NEDD9: variants seen among roughly 807,000 people sequenced by gnomAD.
NEDD9 encodes enhancer of filamentation 1.
A neutral mutation model predicts 76.6 loss-of-function variants in NEDD9; 26 were observed. That is an observed-to-expected ratio of 0.34 (90% CI 0.25 to 0.47). NEDD9 has a LOEUF of 0.47. Ranked by LOEUF, NEDD9 falls within the 20% of genes least tolerant of loss-of-function variation. NEDD9 has a pLI of 1.00. For synonymous variants in NEDD9, 392 were observed against 414.2 expected (o/e 0.95, Z 0.65); for missense variants, 937 against 1,058.5 (o/e 0.89, Z 1.59).
chr6:11,265,533 A>G (rs182526942), intron 3 of NEDD9, among the ~76,000 whole-genome samples: 26 of 152,368 alleles, frequency 1.7e-4, no homozygotes, highest in African/African-American at 5.3e-4. Flanking sequence ...CAATTAATGT[A>G]TTGTCCTTAT....
chr6:11,220,275 C>A (rs1354763077), intron 1 of NEDD9, among the ~76,000 whole-genome samples: 8 of 152,198 alleles, frequency 5.3e-5, no homozygotes, highest in African/African-American at 1.9e-4. Context: ...TTCTTCTAGA[C>A]CCCTATGACA....
At chr6:11,299,820 A>G (rs889338630) in intron 3 of NEDD9, among the ~76,000 whole-genome samples, 1 of 152,230 alleles carries the variant, frequency 6.6e-6, no homozygotes, top group Admixed American at 6.5e-5. Context: ...CAACATCAAC[A>G]AAAAGGACAT....
At chr6:11,240,328 C>T (rs894441685) in intron 3 of NEDD9, among the ~76,000 whole-genome samples, 2 of 152,166 alleles carry the variant, frequency 1.3e-5, no homozygotes, top group African/African-American at 2.4e-5. Flanking sequence ...TGAGCTTGAG[C>T]AGGCTGTCAC....
intron 2 of NEDD9, among the ~76,000 whole-genome samples, chr6:11,195,371 T>C (rs1758266150): frequency 1.3e-5 from 2 of 152,218 alleles, no homozygotes; most frequent in South Asian, 4.1e-4. Context: ...ATGGCCACTG[T>C]ATTGTGCATA....
chr6:11,345,993 G>A (rs1339964281), intron 1 of NEDD9, among the ~76,000 whole-genome samples: 3 of 152,146 alleles, frequency 2.0e-5, no homozygotes, highest in Non-Finnish European at 4.4e-5. Context: ...CTGCCCCCAG[G>A]ACCTCCCTAT....
intron 3 of NEDD9, among the ~76,000 whole-genome samples, chr6:11,291,267 G>GTTTTTTTTTTTTTTTTTTTT (rs869185428): frequency 1.3e-4 from 12 of 95,830 alleles, no homozygotes; most frequent in African/African-American, 5.0e-4. Flanking sequence ...ATAGAATGAG[G>GTTTTTTTTTTTTTTTTTTTT]TTTTTTTTTT....
intron 1 of NEDD9, among the ~76,000 whole-genome samples, chr6:11,357,232 TA>T (rs1762594879): frequency 6.6e-6 from 1 of 152,100 alleles, no homozygotes; most frequent in East Asian, 1.9e-4. Context: ...CTCCTGTGGA[TA>T]AACTTGTCAT....
At chr6:11,217,660 T>C (rs552677525) in intron 1 of NEDD9, among the ~76,000 whole-genome samples, 2 of 152,346 alleles carry the variant, frequency 1.3e-5, no homozygotes, top group African/African-American at 2.4e-5. Flanking sequence ...AAGAAGTTAA[T>C]GATTTGCCAG....
chr6:11,232,635 C>G lies in NEDD9; in HGVS notation c.-120G>C. 6.3e-7 allele frequency: 1 copy of G among 1,579,514 alleles called. No homozygotes were observed. Among genetic ancestry groups the G allele is most frequent in the Non-Finnish European group, 8.6e-7 (1 of 1,164,470 alleles). ...AAAGCGAGAAGGTCCCGGGCAGAGC[C>G]GCTTGTCAGTCGCAGCGCCTCCCTC... On this transcript the variant is annotated 5_prime_UTR_variant, in exon 1 of 7. Transcript: ENST00000379446.
chr6:11,354,255 C>T (rs140993398), intron 1 of NEDD9, among the ~76,000 whole-genome samples: 5 of 152,302 alleles, frequency 3.3e-5, no homozygotes, highest in Non-Finnish European at 5.9e-5. Flanking sequence ...CTGAGTCCCA[C>T]GTCACCAACC....
chr6:11,270,740 C>G (rs536750106), intron 3 of NEDD9, among the ~76,000 whole-genome samples: 1 of 152,202 alleles, frequency 6.6e-6, no homozygotes, highest in Non-Finnish European at 1.5e-5. Flanking sequence ...TCTTTCCATG[C>G]AGATACCCTC....
At chr6:11,321,055 G>C (rs2113471171) in intron 2 of NEDD9, among the ~76,000 whole-genome samples, 1 of 151,372 alleles carries the variant, frequency 6.6e-6, no homozygotes, top group South Asian at 2.1e-4. Flanking sequence ...ATGACAGAGA[G>C]AGAGAGAATG....
intron 2 of NEDD9, among the ~76,000 whole-genome samples, chr6:11,314,439 AG>A (rs1236726683): frequency 2.0e-5 from 3 of 152,292 alleles, no homozygotes; most frequent in African/African-American, 7.2e-5. Flanking sequence ...GGATGAAGGA[AG>A]GCGTACTCTT....
chr6:11,324,646 G>A (rs1311146801), intron 2 of NEDD9, among the ~76,000 whole-genome samples: 2 of 152,258 alleles, frequency 1.3e-5, no homozygotes, highest in African/African-American at 4.8e-5. Flanking sequence ...AGATACGTGT[G>A]CCTGTCCTTT....
At chr6:11,303,257 C>G (rs923217424) in intron 3 of NEDD9, among the ~76,000 whole-genome samples, 24 of 152,130 alleles carry the variant, frequency 1.6e-4, no homozygotes, top group African/African-American at 5.6e-4. Flanking sequence ...TAGTGAACTC[C>G]CATTCACAAT....
At chr6:11,357,675 C>T (rs1052583324) in intron 1 of NEDD9, among the ~76,000 whole-genome samples, 7 of 152,198 alleles carry the variant, frequency 4.6e-5, no homozygotes, top group Admixed American at 1.3e-4. Context: ...GCGCTTGCTT[C>T]GGTGCTGATC....
At chr6:11,377,325 C>G (rs189711960) in intron 1 of NEDD9, among the ~76,000 whole-genome samples, 155 of 152,362 alleles carry the variant, frequency 1.0e-3, no homozygotes, top group African/African-American at 3.7e-3. Flanking sequence ...GCAACAAGCA[C>G]TCAACTTAAA....
chr6:11,257,823 C>T (rs1433669937), intron 3 of NEDD9, among the ~76,000 whole-genome samples: 1 of 127,806 alleles, frequency 7.8e-6, no homozygotes, highest in Non-Finnish European at 1.5e-5. Context: ...AGTACGGCAT[C>T]AAAGGTTATC....
chr6:11,349,728 A>G (rs1285534261), intron 1 of NEDD9, among the ~76,000 whole-genome samples: 2 of 152,186 alleles, frequency 1.3e-5, no homozygotes, highest in Admixed American at 6.5e-5. Flanking sequence ...ATAAGAACAC[A>G]TGGATAGATG....
Sources: gnomAD v4.1 joint callset for allele counts (sites outside exome capture counted in the v4.1 genomes callset) on GRCh38, gnomAD v4.1.1 for gene constraint, MANE v1.5 for transcripts, NCBI Gene and HGNC (gene_info 2026-07-23, HGNC 2026-07-21) for gene names.